The following HS6ST3 variants were observed in gnomAD, a reference collection of about 807,000 sequenced individuals.
HS6ST3 encodes heparan sulfate 6-O-sulfotransferase 3, also known as heparan-sulfate 6-O-sulfotransferase 3.
In HS6ST3, 12 loss-of-function variants were observed where a neutral mutation model predicts 36.7. The ratio of observed to expected loss-of-function variants is 0.33; its 90% CI spans 0.21 to 0.53. HS6ST3 has a LOEUF of 0.53. HS6ST3 is among the 20% of genes least tolerant of loss of function. The pLI is 0.95. For missense variants in HS6ST3, 584 were observed against 640.9 expected, an observed-to-expected ratio of 0.91 and a Z score of 0.96; for synonymous variants, 240 against 257.5, an observed-to-expected ratio of 0.93 and a Z score of 0.65.
At chr13:96,293,031 T>G (rs1319270763) in intron 1 of HS6ST3, among the ~76,000 whole-genome samples, 1 of 152,070 alleles carries the variant, frequency 6.6e-6, no homozygotes, top group African/African-American at 2.4e-5. Context: ...GTGGAGATAT[T>G]AACATATGAC....
chr13:96,748,321 G>T (rs1051868248), intron 1 of HS6ST3, among the ~76,000 whole-genome samples: 1 of 152,044 alleles, frequency 6.6e-6, no homozygotes, highest in Admixed American at 6.6e-5. Flanking sequence ...CAAGGCTTAG[G>T]TCAGGCTTGT....
In HS6ST3 at chr13:96,489,375, AACACAC is replaced by A. The variant is rs67334904; in HGVS notation, c.708-343091_708-343086del. On this transcript the variant is annotated intron_variant, in intron 1 of 1. Coordinates refer to ENST00000376705, the MANE Select transcript of HS6ST3 (RefSeq NM_153456.4). ...GCAGGAATATTTTTCTGTATATACA[AACACAC>A]ACACACACACACACACACACACATA... 3.6e-3 allele frequency among the ~76,000 whole-genome samples: 533 copies of A among 148,068 alleles called. 2 individuals carry two copies. Among genetic ancestry groups the A allele is most frequent in the African/African-American group, 0.011 (459 of 40,318 alleles).
intron 1 of HS6ST3, among the ~76,000 whole-genome samples, chr13:96,399,403 C>T (rs1223697672): frequency 6.6e-6 from 1 of 152,122 alleles, no homozygotes; most frequent in Non-Finnish European, 1.5e-5. Flanking sequence ...GTGTCTGTAA[C>T]AGGGTTTAGA....
chr13:96,459,296 C>G (rs1269644638), intron 1 of HS6ST3, among the ~76,000 whole-genome samples: 1 of 151,636 alleles, frequency 6.6e-6, no homozygotes, highest in African/African-American at 2.4e-5. Flanking sequence ...TATAGAACTT[C>G]TGAAGGAAAG....
intron 1 of HS6ST3, among the ~76,000 whole-genome samples, chr13:96,510,201 G>A (rs921757756): frequency 6.6e-6 from 1 of 151,902 alleles, no homozygotes; most frequent in African/African-American, 2.4e-5. Flanking sequence ...GGTCATTGAT[G>A]TATAGCAGTG....
chr13:96,787,806 T>C (rs1053243783), intron 1 of HS6ST3, among the ~76,000 whole-genome samples: 1 of 152,040 alleles, frequency 6.6e-6, no homozygotes, highest in African/African-American at 2.4e-5. Context: ...GATTTTCTTA[T>C]GCTTTTGTAA....
At chr13:96,541,976 G>A (rs947720451) in intron 1 of HS6ST3, among the ~76,000 whole-genome samples, 2 of 152,136 alleles carry the variant, frequency 1.3e-5, no homozygotes, top group African/African-American at 4.8e-5. Flanking sequence ...CATTTTCTGG[G>A]AGTTTTGTGT....
At chr13:96,132,673 T>A (rs2053981978) in intron 1 of HS6ST3, among the ~76,000 whole-genome samples, 1 of 152,212 alleles carries the variant, frequency 6.6e-6, no homozygotes. Flanking sequence ...CCCAAAGTGC[T>A]GGGATTGCAG....
intron 1 of HS6ST3, among the ~76,000 whole-genome samples, chr13:96,529,814 A>G (rs905807784): frequency 2.6e-5 from 4 of 152,238 alleles, no homozygotes; most frequent in African/African-American, 9.6e-5. Context: ...AAATTTAGAT[A>G]GGATCACCCT....
At chr13:96,302,356 A>T (rs1398236502) in intron 1 of HS6ST3, among the ~76,000 whole-genome samples, 2 of 152,212 alleles carry the variant, frequency 1.3e-5, no homozygotes, top group Non-Finnish European at 2.9e-5. Context: ...AAATTATTAC[A>T]TATGCAGCTG....
At chr13:96,545,345 A>T (rs1168841831) in intron 1 of HS6ST3, among the ~76,000 whole-genome samples, 1 of 152,162 alleles carries the variant, frequency 6.6e-6, no homozygotes, top group Non-Finnish European at 1.5e-5. Flanking sequence ...AGTAAAGAGA[A>T]ATTAAATGAC....
chr13:96,573,845 C>A, intron 1 of HS6ST3: 1 of 432,578 alleles, frequency 2.3e-6, no homozygotes, highest in South Asian at 1.8e-5. Context: ...GAAGTGCTCC[C>A]ATCACACGAA....
At chr13:96,644,746 G>GA (rs1368368909) in intron 1 of HS6ST3, among the ~76,000 whole-genome samples, 1 of 151,934 alleles carries the variant, frequency 6.6e-6, no homozygotes, top group African/African-American at 2.4e-5. Flanking sequence ...ATTGTCATAG[G>GA]AGCATGTTAC....
chr13:96,579,882 G>A (rs1425403692), intron 1 of HS6ST3, among the ~76,000 whole-genome samples: 7 of 152,024 alleles, frequency 4.6e-5, no homozygotes, highest in Admixed American at 4.6e-4. Context: ...ATGATTCTAT[G>A]CAAATGATCT....
intron 1 of HS6ST3, among the ~76,000 whole-genome samples, chr13:96,540,463 A>G (rs1484738013): frequency 6.6e-6 from 1 of 150,552 alleles, no homozygotes; most frequent in Non-Finnish European, 1.5e-5. Flanking sequence ...TTTATCTACA[A>G]AATTATAAGC....
rs374912818 is a variant in HS6ST3, at chr13:96,691,015, T to C, written c.708-141475T>C. 3.2e-4 allele frequency among the ~76,000 whole-genome samples: 48 copies of C among 152,252 alleles called. No individual in the cohort carries two copies. In the East Asian group the frequency reaches 9.3e-3, roughly 29 times the overall value. On this transcript the variant is annotated intron_variant, in intron 1 of 1. Transcript: ENST00000376705. ...CCATCCCATAGAGAATTCATCACAC[T>C]GGTCAACTATTACTATGTCTGCACA...
chr13:96,833,054 G>T lies in HS6ST3; in HGVS notation c.1272G>T (p.Gln424His). The change falls in exon 2 of 2, where the codon CAG becomes CAT. Residue 424 changes from glutamine (Q) to histidine (H), a missense_variant. Physicochemically the swap from Gln to His is conservative, Grantham distance 24. Coordinates refer to ENST00000376705, the MANE Select transcript of HS6ST3 (RefSeq NM_153456.4). ...AGCAGCGCTACCACCACACCAAGCAGCTAGAGCACCAGAGGGACCGCCAGA... is the reference window on the plus strand; with the variant it reads ...AGCAGCGCTACCACCACACCAAGCATCTAGAGCACCAGAGGGACCGCCAGA... ...LFQQRYHHTK[Q>H]LEHQRDRQKR... 6.2e-7 allele frequency: 1 copy of T among 1,613,378 alleles called. No individual in the cohort carries two copies. The highest frequency in any genetic ancestry group is 8.5e-7 in the Non-Finnish European group (1 of 1,180,022).
At chr13:96,674,689 G>C (rs58232256) in intron 1 of HS6ST3, among the ~76,000 whole-genome samples, 2 of 152,086 alleles carry the variant, frequency 1.3e-5, no homozygotes, top group Non-Finnish European at 2.9e-5. Flanking sequence ...TATTCAGCTG[G>C]GGGATGCTGG....
intron 1 of HS6ST3, among the ~76,000 whole-genome samples, chr13:96,287,333 T>C (rs2054808655): frequency 6.6e-6 from 1 of 152,146 alleles, no homozygotes; most frequent in Admixed American, 6.5e-5. Flanking sequence ...TAGAAAAATC[T>C]TATATAATGC....
Sources: gnomAD v4.1 joint callset for allele counts (sites outside exome capture counted in the v4.1 genomes callset) on GRCh38, gnomAD v4.1.1 for gene constraint, MANE v1.5 for transcripts, NCBI Gene and HGNC (gene_info 2026-07-23, HGNC 2026-07-21) for gene names.